The following FAM149B1 variants were observed in gnomAD, a reference collection of about 807,000 sequenced individuals.
FAM149B1 encodes the protein primary cilium assembly protein FAM149B1.
Under a neutral mutation model 75.3 loss-of-function variants are expected in FAM149B1, and 56 were observed. The ratio of observed to expected loss-of-function variants is 0.74; its 90% CI spans 0.60 to 0.93. The LOEUF is 0.93. Among genes scored for constraint, FAM149B1 ranks in the 40% least tolerant of loss-of-function variants. FAM149B1 has a pLI of 0.00. For missense variants in FAM149B1, 639 were observed against 708.4 expected, an observed-to-expected ratio of 0.90 and a Z score of 1.11; for synonymous variants, 259 against 256.1, an observed-to-expected ratio of 1.01 and a Z score of -0.11.
At position 73,177,731 on chromosome 10, in the gene FAM149B1, A is replaced by G. The variant is rs141772557; in HGVS notation, c.153-115A>G. ...TTCATTTATTTTTGCCTATGTGGAT[A>G]TATTTGTACACATGTTAATCACCTA... On this transcript the variant is annotated intron_variant, in intron 2 of 13. Coordinates refer to ENST00000242505, the MANE Select transcript of FAM149B1 (RefSeq NM_173348.2). The G allele has an allele frequency of 7.7e-5, 68 of 885,858 alleles. No homozygotes were observed. In the East Asian group the frequency reaches 1.6e-3, roughly 21 times the overall value. The allele number at this position is 885,858 out of a possible 1,614,324, so 54.9% of individuals were successfully genotyped here.
At position 73,242,561 on chromosome 10, in the gene FAM149B1, T is replaced by C. The variant is rs1188547561; in HGVS notation, c.*1542T>C. ...TTTGACAAATTTGGATTTCACTCTT[T>C]GTTTTGATGTAGTAACTCTTTTATA... On this transcript the variant is annotated 3_prime_UTR_variant, in exon 14 of 14. Coordinates refer to ENST00000242505, the MANE Select transcript of FAM149B1 (RefSeq NM_173348.2). 1 of 151,802 alleles carries C rather than the reference T, an allele frequency of 6.6e-6. No individual in the cohort carries two copies. Among genetic ancestry groups the C allele is most frequent in the Non-Finnish European group, 1.5e-5 (1 of 67,976 alleles). 9.4% of individuals were successfully genotyped at this position (151,802 alleles called of 1,614,324 possible). A position where few individuals can be genotyped will look rare whatever the true frequency, so the allele number is the denominator to read the frequency against.
intron 12 of FAM149B1, among the ~76,000 whole-genome samples, chr10:73,238,187 A>G (rs1404485596): frequency 6.6e-6 from 1 of 152,152 alleles, no homozygotes; most frequent in Non-Finnish European, 1.5e-5. Context: ...TCTATTAAAA[A>G]TACAAGAAAA....
chr10:73,175,589 G>A (rs1843923661), intron 2 of FAM149B1, among the ~76,000 whole-genome samples: 1 of 149,050 alleles, frequency 6.7e-6, no homozygotes, highest in Non-Finnish European at 1.5e-5. Context: ...AGAATGGCAT[G>A]AACCCGGGAG....
At chr10:73,170,173 T>G (rs1249000215) in intron 1 of FAM149B1, among the ~76,000 whole-genome samples, 1 of 152,160 alleles carries the variant, frequency 6.6e-6, no homozygotes, top group Non-Finnish European at 1.5e-5. Context: ...TCACTGAGCC[T>G]TCGTTTCTGC....
At chr10:73,213,429 G>C (rs1303299022) in intron 7 of FAM149B1, among the ~76,000 whole-genome samples, 2 of 151,982 alleles carry the variant, frequency 1.3e-5, no homozygotes, top group African/African-American at 2.4e-5. Flanking sequence ...CTTTTTCCTA[G>C]GTTTTCTTCT....
intron 13 of FAM149B1, among the ~76,000 whole-genome samples, chr10:73,240,200 A>G (rs1158596166): frequency 2.6e-5 from 4 of 152,190 alleles, no homozygotes; most frequent in Non-Finnish European, 5.9e-5. Flanking sequence ...TATTATGCTG[A>G]AGGTAAATTT....
At chr10:73,211,205 T>G (rs2043180119) in intron 7 of FAM149B1, among the ~76,000 whole-genome samples, 1 of 152,208 alleles carries the variant, frequency 6.6e-6, no homozygotes, top group South Asian at 2.1e-4. Context: ...ATGATTCAAT[T>G]GTTGGCCATC....
At chr10:73,183,578 T>C (rs1450577319) in intron 3 of FAM149B1, 1 of 152,168 alleles carries the variant, frequency 6.6e-6, no homozygotes, top group Non-Finnish European at 1.5e-5. Flanking sequence ...TGCTAAAACC[T>C]GAGAAAGACA....
chr10:73,214,157 G>T (rs895065586), intron 7 of FAM149B1, among the ~76,000 whole-genome samples: 4 of 152,068 alleles, frequency 2.6e-5, no homozygotes, highest in Admixed American at 2.6e-4. Context: ...CTGATTTTTG[G>T]ATCTTAATTT....
Position 73,210,715 on chromosome 10 carries a change from C to T in FAM149B1, c.898+277C>T, listed in dbSNP as rs143079571. 1.9e-3 allele frequency among the ~76,000 whole-genome samples: 294 copies of T among 151,936 alleles called. 3 individuals are homozygous for T. The highest frequency in any genetic ancestry group is 6.7e-3 in the African/African-American group (276 of 41,410). On this transcript the variant is annotated intron_variant, in intron 7 of 13. Transcript: ENST00000242505. ...GCATTCACCTATAGTTCCAGCTACG[C>T]AAGAGACTGAGGTGGGAGCATCACT...
At chr10:73,239,283 T>G in intron 12 of FAM149B1, 29 bp from the exon 13 acceptor site, 2 of 1,533,308 alleles carry the variant, frequency 1.3e-6, no homozygotes, top group Non-Finnish European at 1.8e-6. Flanking sequence ...AGATGCATCA[T>G]AAGAAGTGTC....
At chr10:73,186,495 AAGAG>A (rs1280136985) in intron 3 of FAM149B1, among the ~76,000 whole-genome samples, 3 of 152,196 alleles carry the variant, frequency 2.0e-5, no homozygotes, top group Non-Finnish European at 4.4e-5. Flanking sequence ...CAACAAGACA[AAGAG>A]AGGCATTCAA....
At chr10:73,201,972 C>T (rs536607013) in intron 5 of FAM149B1, among the ~76,000 whole-genome samples, 9 of 152,122 alleles carry the variant, frequency 5.9e-5, no homozygotes, top group Non-Finnish European at 8.8e-5. Flanking sequence ...TTAGACCAGT[C>T]TGGCCAACAT....
intron 7 of FAM149B1, among the ~76,000 whole-genome samples, chr10:73,218,299 A>G (rs1235363392): frequency 6.6e-6 from 1 of 152,156 alleles, no homozygotes; most frequent in Non-Finnish European, 1.5e-5. Flanking sequence ...CCTCTGAATC[A>G]TCTTTCATTT....
rs1435765869 is a variant in FAM149B1, at chr10:73,232,972, G to A, written c.1161G>A (p.Gly387=). The A allele has an allele frequency of 6.4e-7, 1 of 1,551,658 alleles. No homozygotes were observed. The highest frequency in any genetic ancestry group is 8.7e-7 in the Non-Finnish European group (1 of 1,146,650). Residue 387 remains glycine, a synonymous_variant, in exon 10 of 14, where the codon GGG becomes GGA. Coordinates refer to ENST00000242505, the MANE Select transcript of FAM149B1 (RefSeq NM_173348.2). ...ATGACAAGCTACTTATGAGGCCTGG[G>A]TCCAGTACCATCCTTTCAACTCGAA... ...DLDDKLLMRP[G]SSTILSTRNW...
chr10:73,197,655 A>T (rs1224419190), intron 5 of FAM149B1, among the ~76,000 whole-genome samples: 3 of 152,122 alleles, frequency 2.0e-5, no homozygotes, highest in Non-Finnish European at 4.4e-5. Flanking sequence ...CTGTAATCCC[A>T]GCTGCTTGGG....
chr10:73,234,066 T>C (rs568720118), intron 10 of FAM149B1: 1 of 152,366 alleles, frequency 6.6e-6, no homozygotes, highest in Admixed American at 6.5e-5. Context: ...TAGAATTCTT[T>C]TAGCTGTTGA....
chr10:73,225,011 G>A (rs1227892982), intron 7 of FAM149B1, among the ~76,000 whole-genome samples: 1 of 152,178 alleles, frequency 6.6e-6, no homozygotes, highest in East Asian at 1.9e-4. Context: ...TAATGCCATT[G>A]TAGTTGTCGT....
In FAM149B1 at chr10:73,240,497, G is replaced by C. The variant is rs566906424; in HGVS notation, c.1676-449G>C. 1.4e-3 allele frequency among the ~76,000 whole-genome samples: 214 copies of C among 152,238 alleles called. 1 individual carries two copies. Among genetic ancestry groups the C allele is most frequent in the Middle Eastern group, 6.8e-3 (2 of 294 alleles). Reference sequence around the variant, plus strand: ...GGAGGCCAAGGCGGGCGGATCACGAGGTCAGCATATTGAGACCATCCTGGC... The same window carrying C: ...GGAGGCCAAGGCGGGCGGATCACGACGTCAGCATATTGAGACCATCCTGGC... On this transcript the variant is annotated intron_variant, in intron 13 of 13. Transcript: ENST00000242505.
Sources: gnomAD v4.1 joint callset for allele counts (sites outside exome capture counted in the v4.1 genomes callset) on GRCh38, gnomAD v4.1.1 for gene constraint, MANE v1.5 for transcripts, NCBI Gene and HGNC (gene_info 2026-07-23, HGNC 2026-07-21) for gene names.